PALD1: variants seen among roughly 807,000 people sequenced by gnomAD.
The protein encoded by PALD1 is phosphatase domain containing paladin 1.
A neutral mutation model predicts 96.0 loss-of-function variants in PALD1; 57 were observed. The ratio of observed to expected loss-of-function variants is 0.59; its 90% CI spans 0.48 to 0.74. The LOEUF (loss-of-function observed/expected upper bound fraction) is 0.74. Ranked by LOEUF, PALD1 falls within the 30% of genes least tolerant of loss-of-function variation. The pLI is 0.00. For synonymous variants in PALD1, 464 were observed against 473.6 expected, an observed-to-expected ratio of 0.98 and a Z score of 0.26; for missense variants, 1,063 against 1,143.7, an observed-to-expected ratio of 0.93 and a Z score of 1.02.
chr10:70,559,661 G>A (rs1847695882), intron 18 of PALD1, among the ~76,000 whole-genome samples: 1 of 152,102 alleles, frequency 6.6e-6, no homozygotes, highest in Non-Finnish European at 1.5e-5. Context: ...GGGTTGAGAA[G>A]GGCGAAGTGA....
intron 18 of PALD1, among the ~76,000 whole-genome samples, chr10:70,561,999 G>A (rs956838191): frequency 3.9e-5 from 6 of 152,230 alleles, no homozygotes; most frequent in African/African-American, 1.4e-4. Context: ...CCCAGTATGT[G>A]GCTTGGGTGA....
intron 1 of PALD1, among the ~76,000 whole-genome samples, chr10:70,502,367 G>A (rs1846316111): frequency 6.6e-6 from 1 of 152,120 alleles, no homozygotes; most frequent in Non-Finnish European, 1.5e-5. Flanking sequence ...GATACATTCA[G>A]CTTCAAGCAC....
At chr10:70,518,964 C>G (rs1487791791) in intron 1 of PALD1, among the ~76,000 whole-genome samples, 2 of 152,234 alleles carry the variant, frequency 1.3e-5, no homozygotes, top group African/African-American at 4.8e-5. Flanking sequence ...GGCAGTGCAG[C>G]CCAGCCAGGG....
At chr10:70,460,666 T>C in the PALD1 span, among the ~76,000 whole-genome samples, 6 of 152,296 alleles carry the variant, frequency 3.9e-5, 1 homozygote, top group East Asian at 1.2e-3. Context: ...GCCTCCACCC[T>C]GGCCCCCCAG....
At chr10:70,478,618 G>A (rs755811308), upstream of PALD1, among the ~76,000 whole-genome samples, 11 of 152,312 alleles carry the variant, frequency 7.2e-5, no homozygotes, top group South Asian at 8.3e-4. Context: ...GCCGGGGAAC[G>A]TGGCGCCCGC....
At chr10:70,549,555 C>T (rs1356074964) in intron 18 of PALD1, among the ~76,000 whole-genome samples, 2 of 152,258 alleles carry the variant, frequency 1.3e-5, no homozygotes, top group Non-Finnish European at 1.5e-5. Flanking sequence ...TGGCCTGGAG[C>T]AGTGTCCTCA....
chr10:70,505,664 T>G (rs1299803239), intron 1 of PALD1, among the ~76,000 whole-genome samples: 1 of 151,598 alleles, frequency 6.6e-6, no homozygotes, highest in Non-Finnish European at 1.5e-5. Context: ...AATCAGAAAC[T>G]GTCTGCCAAA....
At chr10:70,461,610 G>C in the PALD1 span, among the ~76,000 whole-genome samples, 1 of 152,140 alleles carries the variant, frequency 6.6e-6, no homozygotes, top group Non-Finnish European at 1.5e-5. Context: ...CTCTGTAGAT[G>C]GGTACCCATA....
chr10:70,514,804 G>T lies in PALD1; in HGVS notation c.-29-11119G>T, dbSNP rs61859474. ...CAGAGGGCCAGGGTTAAGGACACGG[G>T]GCCGGAGGAGCATGGGGTGCTTTGA... On this transcript the variant is annotated intron_variant, in intron 1 of 19. Transcript: ENST00000263563. Among the ~76,000 whole-genome samples the T allele has an allele frequency of 7.7e-3, 1,172 of 152,220 alleles. 8 individuals are homozygous for T. The highest frequency in any genetic ancestry group is 0.011 in the Non-Finnish European group (728 of 67,998).
chr10:70,464,939 T>TTGTA, the PALD1 span, among the ~76,000 whole-genome samples: 17,707 of 142,150 alleles, frequency 0.12, 1,305 homozygotes, highest in African/African-American at 0.19. Context: ...CTATGTACAC[T>TTGTA]TGTATGTATG....
intron 1 of PALD1, among the ~76,000 whole-genome samples, chr10:70,483,153 C>T (rs1845962893): frequency 1.3e-5 from 2 of 152,006 alleles, no homozygotes; most frequent in South Asian, 4.2e-4. Flanking sequence ...GAATGGCTGG[C>T]CTGGGGTGTG....
intron 1 of PALD1, among the ~76,000 whole-genome samples, chr10:70,487,716 C>CA (rs1178298390): frequency 6.6e-6 from 1 of 150,866 alleles, no homozygotes; most frequent in Non-Finnish European, 1.5e-5. Flanking sequence ...AACAAAAAAA[C>CA]AAAAAACAGT....
At chr10:70,514,549 A>G (rs1320944299) in intron 1 of PALD1, among the ~76,000 whole-genome samples, 1 of 151,812 alleles carries the variant, frequency 6.6e-6, no homozygotes, top group South Asian at 2.1e-4. Context: ...GGTCTGTGGG[A>G]CCCCCAAGAG....
chr10:70,509,623 C>T (rs1846472121), intron 1 of PALD1, among the ~76,000 whole-genome samples: 1 of 152,178 alleles, frequency 6.6e-6, no homozygotes, highest in Non-Finnish European at 1.5e-5. Context: ...CATTCATTTC[C>T]ACTGGATGTT....
chr10:70,461,007 A>G, the PALD1 span, among the ~76,000 whole-genome samples: 1 of 152,180 alleles, frequency 6.6e-6, no homozygotes, highest in South Asian at 2.1e-4. Context: ...GTGAGCTGAG[A>G]TCGTGTCATT....
chr10:70,556,766 T>C (rs1215716414), intron 18 of PALD1, among the ~76,000 whole-genome samples: 1 of 152,248 alleles, frequency 6.6e-6, no homozygotes, highest in East Asian at 1.9e-4. Flanking sequence ...GAATTGTTGA[T>C]GGGCTTGAGG....
chr10:70,546,530 A>G (rs570498946), intron 17 of PALD1, among the ~76,000 whole-genome samples: 9 of 152,260 alleles, frequency 5.9e-5, no homozygotes, highest in African/African-American at 2.2e-4. Flanking sequence ...TAGTAACTCT[A>G]TTGATGTGCT....
At chr10:70,553,605 G>A (rs1214767134) in intron 18 of PALD1, among the ~76,000 whole-genome samples, 1 of 152,214 alleles carries the variant, frequency 6.6e-6, no homozygotes, top group Non-Finnish European at 1.5e-5. Context: ...GTGTGATAAA[G>A]GGTGTTCTAA....
At chr10:70,494,867 T>G (rs774813650) in intron 1 of PALD1, among the ~76,000 whole-genome samples, 1 of 152,186 alleles carries the variant, frequency 6.6e-6, no homozygotes, top group Non-Finnish European at 1.5e-5. Flanking sequence ...AGGCAGGATG[T>G]GGGAAAACTG....
Sources: allele counts gnomAD v4.1 joint callset (sites outside exome capture counted in the v4.1 genomes callset), GRCh38; gene constraint gnomAD v4.1.1; transcripts MANE v1.5; gene names NCBI Gene and HGNC (gene_info 2026-07-23, HGNC 2026-07-21).